SEMA3A: variants seen among roughly 807,000 people sequenced by gnomAD.
The protein encoded by SEMA3A is semaphorin-3A.
In SEMA3A, 29 loss-of-function variants were observed where a neutral mutation model predicts 97.9. That is an observed-to-expected ratio of 0.30 (90% CI 0.22 to 0.40). The LOEUF is 0.40. Ranked by LOEUF, SEMA3A falls within the 10% of genes least tolerant of loss-of-function variation. SEMA3A has a pLI of 1.00. For synonymous variants in SEMA3A, 321 were observed against 323.7 expected (o/e 0.99, Z 0.09); for missense variants, 763 against 951.3 (o/e 0.80, Z 2.60).
intron 9 of SEMA3A, among the ~76,000 whole-genome samples, chr7:84,010,733 ATTATAATAATG>A (rs1554393439): frequency 9.0e-4 from 137 of 152,128 alleles, no homozygotes; most frequent in African/African-American, 2.9e-3. Flanking sequence ...ATTTTACATT[ATTATAATAATG>A]TAAAAGGTTT....
At chr7:84,047,780 T>C (rs73376900) in intron 5 of SEMA3A, among the ~76,000 whole-genome samples, 2,171 of 152,188 alleles carry the variant, frequency 0.014, 54 homozygotes, top group African/African-American at 0.05. Flanking sequence ...CAAAGATAAA[T>C]TATAACAAGC....
At chr7:84,227,503 A>G (rs965639182) in intron 3 of SEMA3A, among the ~76,000 whole-genome samples, 5 of 152,102 alleles carry the variant, frequency 3.3e-5, no homozygotes, top group Non-Finnish European at 7.4e-5. Context: ...CATTCTATCC[A>G]TCTTCTCAAT....
At chr7:83,982,210 G>C (rs983111419) in intron 13 of SEMA3A, among the ~76,000 whole-genome samples, 1 of 152,072 alleles carries the variant, frequency 6.6e-6, no homozygotes, top group African/African-American at 2.4e-5. Flanking sequence ...GTGTGATCTT[G>C]AGCTATTCAT....
intron 3 of SEMA3A, among the ~76,000 whole-genome samples, chr7:84,203,168 G>GA (rs1457311323): frequency 6.6e-6 from 1 of 151,842 alleles, no homozygotes; most frequent in Admixed American, 6.6e-5. Context: ...ATATATTTTT[G>GA]AAAAAGCCTT....
intron 3 of SEMA3A, among the ~76,000 whole-genome samples, chr7:84,224,165 T>C (rs184977981): frequency 6.6e-6 from 1 of 152,096 alleles, no homozygotes; most frequent in African/African-American, 2.4e-5. Context: ...TATTTCATAC[T>C]AATTTAAAGG....
Position 84,441,682 on chromosome 7 carries a change from G to A in SEMA3A, c.-246+50778C>T, listed in dbSNP as rs117416007. ...AGAAGAATATACACATTAAAGAAAC[G>A]TCAATGAACTTCAAATGTGATGAAT... is the stretch of plus-strand genomic sequence containing the variant. On this transcript the variant is annotated intron_variant, in intron 1 of 3. Coordinates refer to the SEMA3A transcript ENST00000424555. Among the ~76,000 whole-genome samples the A allele has an allele frequency of 3.2e-4, 49 of 152,206 alleles. No individual in the cohort carries two copies. The East Asian group carries it at 5.6e-3, about 17-fold the overall frequency.
intron 3 of SEMA3A, among the ~76,000 whole-genome samples, chr7:84,234,430 C>T (rs1034979152): frequency 6.6e-6 from 1 of 152,050 alleles, no homozygotes; most frequent in African/African-American, 2.4e-5. Context: ...TTGACACACA[C>T]GATATTCAGT....
chr7:84,247,153 A>G (rs1799493302), intron 3 of SEMA3A, among the ~76,000 whole-genome samples: 1 of 152,144 alleles, frequency 6.6e-6, no homozygotes, highest in African/African-American at 2.4e-5. Context: ...AAGCAAGCAC[A>G]GAAAGACTTA....
chr7:84,205,251 T>G (rs1798461775), intron 3 of SEMA3A, among the ~76,000 whole-genome samples: 1 of 152,236 alleles, frequency 6.6e-6, no homozygotes, highest in African/African-American at 2.4e-5. Flanking sequence ...TAGCACTCTT[T>G]ACTATTTTAA....
At chr7:84,348,437 G>T (rs946249918) in intron 2 of SEMA3A, among the ~76,000 whole-genome samples, 1 of 152,028 alleles carries the variant, frequency 6.6e-6, no homozygotes, top group Non-Finnish European at 1.5e-5. Flanking sequence ...TTATTATTTA[G>T]TATTTCTGAA....
rs558231788 is a variant in SEMA3A, at chr7:84,212,010, T to C, written c.-82-17342A>G. On this transcript the variant is annotated intron_variant, in intron 3 of 3. Transcript: ENST00000424555. ...ATGTCATGCATATCCACGTAGAAAC[T>C]GTTACAACAGTCAGCCAAATATGGA... 6.6e-5 allele frequency among the ~76,000 whole-genome samples: 10 copies of C among 152,274 alleles called. 1 individual carries two copies. The South Asian group carries it at 1.2e-3, about 19-fold the overall frequency.
Position 84,139,836 on chromosome 7 carries a change from T to C in SEMA3A, c.113-4885A>G, listed in dbSNP as rs1796247568. On this transcript the variant is annotated intron_variant, in intron 1 of 16. Transcript: ENST00000265362. ...TTACAACAGAATAAATTATAAATTA[T>C]AATTGATCTCTAATATGCTACCAGT... Among the ~76,000 whole-genome samples the C allele has an allele frequency of 2.0e-5, 3 of 152,084 alleles. No individual in the cohort carries two copies. In the South Asian group the frequency reaches 6.2e-4, roughly 31 times the overall value.
chr7:84,160,223 G>GTCTATCTA (rs61107978), intron 1 of SEMA3A, among the ~76,000 whole-genome samples: 26 of 149,376 alleles, frequency 1.7e-4, no homozygotes, highest in Non-Finnish European at 2.4e-4. Context: ...CTATCAATCT[G>GTCTATCTA]TCTATCTATC....
intron 12 of SEMA3A, among the ~76,000 whole-genome samples, chr7:83,998,888 C>T (rs1790324984): frequency 6.6e-6 from 1 of 152,090 alleles, no homozygotes; most frequent in Non-Finnish European, 1.5e-5. Context: ...TGTCTTTCAC[C>T]TCCACATCTT....
intron 16 of SEMA3A, 91 bp downstream of exon 16, chr7:83,963,114 G>C: frequency 7.2e-7 from 1 of 1,382,256 alleles, no homozygotes; most frequent in Middle Eastern, 1.9e-4. Context: ...AGCATTCTCA[G>C]TGCTTTTTCT....
chr7:84,203,209 T>G (rs61194772), intron 3 of SEMA3A, among the ~76,000 whole-genome samples: 8,355 of 152,066 alleles, frequency 0.055, 311 homozygotes, highest in Middle Eastern at 0.065. Flanking sequence ...TTGCAAGTAT[T>G]CTAGGAGCTC....
intron 3 of SEMA3A, among the ~76,000 whole-genome samples, chr7:84,241,606 T>G (rs1799366695): frequency 6.6e-6 from 1 of 152,174 alleles, no homozygotes. Context: ...TTTGTTTGTT[T>G]GCTGTGCAGA....
At chr7:84,057,675 G>A (rs973097558) in intron 5 of SEMA3A, among the ~76,000 whole-genome samples, 2 of 151,904 alleles carry the variant, frequency 1.3e-5, no homozygotes, top group African/African-American at 4.8e-5. Flanking sequence ...TGAGGTAGGA[G>A]AATTGCTTGA....
chr7:83,973,570 A>G (rs797805), intron 15 of SEMA3A, among the ~76,000 whole-genome samples: 125,116 of 152,082 alleles, frequency 0.82, 52,129 homozygotes, highest in African/African-American at 0.95. Flanking sequence ...AGAGGCTAAG[A>G]CACAGACTAT....
Sources: gnomAD v4.1 joint callset for allele counts (sites outside exome capture counted in the v4.1 genomes callset) on GRCh38, gnomAD v4.1.1 for gene constraint, MANE v1.5 for transcripts, NCBI Gene and HGNC (gene_info 2026-07-23, HGNC 2026-07-21) for gene names.